Variants in HERC4 observed in about 807,000 individuals in gnomAD.
HERC4 encodes HECT and RLD domain containing E3 ubiquitin protein ligase 4.
Under a neutral mutation model 124.3 loss-of-function variants are expected in HERC4, and 28 were observed. The ratio of observed to expected loss-of-function variants is 0.23; its 90% CI spans 0.17 to 0.31. HERC4 has a LOEUF of 0.31. Ranked by LOEUF, HERC4 falls within the 10% of genes least tolerant of loss-of-function variation. HERC4 has a pLI of 1.00. For synonymous variants in HERC4, 407 were observed against 421.5 expected (o/e 0.97, Z 0.42); for missense variants, 713 against 1,229.3 (o/e 0.58, Z 6.28).
At chr10:67,957,206 C>T (rs1485564733) in intron 16 of HERC4, among the ~76,000 whole-genome samples, 1 of 152,196 alleles carries the variant, frequency 6.6e-6, no homozygotes, top group Non-Finnish European at 1.5e-5. Flanking sequence ...TCTATACAAT[C>T]ATATACTGCA....
chr10:67,964,593 A>G (rs1328118876), intron 16 of HERC4, among the ~76,000 whole-genome samples: 1 of 152,120 alleles, frequency 6.6e-6, no homozygotes, highest in African/African-American at 2.4e-5. Context: ...TTCCCTACAC[A>G]GCCAACAAAG....
rs1046140673 is a variant in HERC4, at chr10:68,010,735, C to T, written c.1069+3291G>A. 3.7e-5 allele frequency: 55 copies of T among 1,488,124 alleles called. No individual in the cohort carries two copies. The Middle Eastern group carries it at 5.3e-4, about 14-fold the overall frequency. The allele number at this position is 1,488,124 out of a possible 1,614,324, so 92.2% of individuals were successfully genotyped here. On this transcript the variant is annotated intron_variant, in intron 9 of 24. Coordinates refer to ENST00000373700, the MANE Select transcript of HERC4 (RefSeq NM_015601.4). The stretch of plus-strand genomic sequence containing the variant: ...GTTGAGCCTCAAAGAGGCAGATGGT[C>T]GTTTGGCTGAACATATTCCCAAATA...
chr10:68,034,515 T>C (rs115252060), intron 5 of HERC4, among the ~76,000 whole-genome samples: 2,333 of 152,306 alleles, frequency 0.015, 71 homozygotes, highest in African/African-American at 0.053. Flanking sequence ...TTTTATTTTA[T>C]AGTTTCTCCC....
intron 19 of HERC4, among the ~76,000 whole-genome samples, chr10:67,942,161 T>A (rs927643453): frequency 1.3e-5 from 2 of 152,190 alleles, no homozygotes; most frequent in African/African-American, 4.8e-5. Flanking sequence ...AAAGAATAAA[T>A]GTTTTAAATA....
chr10:68,002,485 A>G (rs757350240), intron 9 of HERC4, among the ~76,000 whole-genome samples: 1 of 152,230 alleles, frequency 6.6e-6, no homozygotes, highest in African/African-American at 2.4e-5. Flanking sequence ...AACATCAATG[A>G]AAAAATAATC....
intron 9 of HERC4, among the ~76,000 whole-genome samples, chr10:67,999,540 C>A (rs531418987): frequency 1.5e-3 from 229 of 152,298 alleles, no homozygotes; most frequent in African/African-American, 5.1e-3. Flanking sequence ...CTGAAGAGAT[C>A]TCTCTTACAT....
At chr10:68,030,322 T>A (rs1042121952) in intron 7 of HERC4, among the ~76,000 whole-genome samples, 1 of 151,800 alleles carries the variant, frequency 6.6e-6, no homozygotes, top group African/African-American at 2.4e-5. Flanking sequence ...ATGCCTATAA[T>A]CCCAGCTACT....
At chr10:68,069,255 T>C (rs886593986) in intron 3 of HERC4, 1 of 955,916 alleles carries the variant, frequency 1.0e-6, no homozygotes, top group African/African-American at 1.8e-5. Flanking sequence ...TCTAGCGCAC[T>C]GAAGATTAAA....
chr10:68,033,957 G>A lies in HERC4; in HGVS notation c.685+8C>T, dbSNP rs777599181. On this transcript the variant is annotated splice_region_variant and intron_variant, in intron 6 of 24. Transcript: ENST00000373700. ...AGTACACTTAAACTATACATAATGA[G>A]AACCTACCATTTTCATCATTAAGAC... The A allele has an allele frequency of 2.5e-6, 4 of 1,607,938 alleles. No individual in the cohort carries two copies. The highest frequency in any genetic ancestry group is 3.4e-6 in the Non-Finnish European group (4 of 1,174,558).
intron 15 of HERC4, among the ~76,000 whole-genome samples, chr10:67,967,098 T>C (rs7896937): frequency 0.46 from 70,446 of 152,072 alleles, 17,977 homozygotes; most frequent in East Asian, 0.85. Flanking sequence ...TTGTGATCTG[T>C]CCACCTTGGC....
chr10:67,956,185 T>G (rs2034131784), intron 17 of HERC4: 1 of 152,208 alleles, frequency 6.6e-6, no homozygotes, highest in Non-Finnish European at 1.5e-5. Flanking sequence ...TTAGTTGGTA[T>G]AGTCAGATAT....
At chr10:68,020,933 A>G (rs900230658) in intron 8 of HERC4, among the ~76,000 whole-genome samples, 4 of 152,296 alleles carry the variant, frequency 2.6e-5, no homozygotes, top group African/African-American at 7.2e-5. Flanking sequence ...TCTTAAAAAA[A>G]GTGCAGAGAG....
Position 68,044,502 on chromosome 10 carries a change from C to G in HERC4, c.288G>C (p.Thr96=), listed in dbSNP as rs371403729. ...IVAVSCGEAH[T]LALNDKGQVY... is the part of the protein sequence containing the mutation. ...CCTGGCCTTTGTCATTTAGCGCTAACGTATGAGCTTCTCCACATGAAACAG... is the reference window on the plus strand; with the variant it reads ...CCTGGCCTTTGTCATTTAGCGCTAAGGTATGAGCTTCTCCACATGAAACAG... Residue 96 remains threonine (T), a synonymous_variant, in exon 4 of 25, where the codon ACG becomes ACC. Coordinates refer to ENST00000373700, the MANE Select transcript of HERC4 (RefSeq NM_015601.4). 6.2e-7 allele frequency: 1 copy of G among 1,614,094 alleles called. No individual in the cohort carries two copies. Among genetic ancestry groups the G allele is most frequent in the Admixed American group, 1.7e-5 (1 of 60,008 alleles).
At chr10:67,937,066 T>C (rs1363737847) in intron 21 of HERC4, among the ~76,000 whole-genome samples, 1 of 152,184 alleles carries the variant, frequency 6.6e-6, no homozygotes, top group Non-Finnish European at 1.5e-5. Flanking sequence ...AAATGCCATC[T>C]GAAAAGCACC....
At chr10:67,929,781 C>T (rs186291207) in intron 23 of HERC4, among the ~76,000 whole-genome samples, 160 of 151,876 alleles carry the variant, frequency 1.1e-3, no homozygotes, top group African/African-American at 3.6e-3. Flanking sequence ...TCCCAAAGTG[C>T]CAGGATTAGA....
At chr10:67,979,720 G>A (rs751793897) in intron 15 of HERC4, among the ~76,000 whole-genome samples, 21 of 152,234 alleles carry the variant, frequency 1.4e-4, no homozygotes, top group Non-Finnish European at 2.1e-4. Context: ...AGAGCTGGGC[G>A]CAGTAGCTCA....
At chr10:67,945,917 G>A (rs1044274961) in intron 19 of HERC4, among the ~76,000 whole-genome samples, 5 of 150,938 alleles carry the variant, frequency 3.3e-5, no homozygotes, top group Admixed American at 6.6e-5. Flanking sequence ...AAGGAAGGAA[G>A]GAAGGAAGAA....
intron 3 of HERC4, among the ~76,000 whole-genome samples, chr10:68,062,756 T>C (rs2041096708): frequency 6.6e-6 from 1 of 151,250 alleles, no homozygotes; most frequent in Admixed American, 6.6e-5. Context: ...TGAGACTCCA[T>C]CTCAAAAAAA....
intron 23 of HERC4, among the ~76,000 whole-genome samples, chr10:67,929,939 G>A (rs545982033): frequency 6.6e-6 from 1 of 151,682 alleles, no homozygotes; most frequent in African/African-American, 2.4e-5. Flanking sequence ...TCAGCCTCCC[G>A]AGCAGCTGGG....
Sources: allele counts gnomAD v4.1 joint callset (sites outside exome capture counted in the v4.1 genomes callset), GRCh38; gene constraint gnomAD v4.1.1; transcripts MANE v1.5; gene names NCBI Gene and HGNC (gene_info 2026-07-23, HGNC 2026-07-21).